ATP6V1E1: variants seen among roughly 807,000 people sequenced by gnomAD.
ATP6V1E1 encodes the protein ATPase H+ transporting V1 subunit E1, also known as V-type proton ATPase subunit E 1.
In ATP6V1E1, 21 loss-of-function variants were observed where a neutral mutation model predicts 35.2. The observed-to-expected ratio is 0.60, with a 90% CI of 0.42 to 0.86. The LOEUF (loss-of-function observed/expected upper bound fraction) is 0.86, where lower values mean the gene tolerates loss of function less well. ATP6V1E1 is among the 40% of genes least tolerant of loss of function. The pLI is 0.00. For missense variants in ATP6V1E1, 183 were observed against 272.6 expected (o/e 0.67, Z 2.32); for synonymous variants, 83 against 87.8 (o/e 0.95, Z 0.30).
intron 7 of ATP6V1E1, 80 bp downstream of exon 7, chr22:17,598,114 T>TTTTC: frequency 3.6e-6 from 4 of 1,099,316 alleles, no homozygotes; most frequent in Non-Finnish European, 5.5e-6. Context: ...ATGGTGAAAA[T>TTTTC]ACCATTTAAA....
intron 2 of ATP6V1E1, chr22:17,619,017 G>A (rs2057861253): frequency 2.2e-6 from 1 of 453,908 alleles, no homozygotes; most frequent in South Asian, 1.6e-5. Flanking sequence ...GAAGGGGCCA[G>A]GCACTGTGGC....
At chr22:17,607,701 C>T (rs971674332) in intron 4 of ATP6V1E1, among the ~76,000 whole-genome samples, 2 of 152,180 alleles carry the variant, frequency 1.3e-5, no homozygotes, top group Non-Finnish European at 2.9e-5. Flanking sequence ...AACCATTAAA[C>T]ACTATTTCTC....
At chr22:17,595,556 G>A (rs910909418) in intron 7 of ATP6V1E1, among the ~76,000 whole-genome samples, 5 of 152,160 alleles carry the variant, frequency 3.3e-5, no homozygotes, top group African/African-American at 7.2e-5. Context: ...CTGGCCGGGC[G>A]TGGTAGCTCA....
intron 4 of ATP6V1E1, among the ~76,000 whole-genome samples, chr22:17,603,546 G>C (rs5747258): frequency 0.35 from 52,780 of 151,726 alleles, 9,502 homozygotes; most frequent in African/African-American, 0.41. Flanking sequence ...ATGTGCAGTG[G>C]CTCACACCTC....
chr22:17,602,661 C>T (rs1252708924), intron 4 of ATP6V1E1, among the ~76,000 whole-genome samples: 1 of 152,222 alleles, frequency 6.6e-6, no homozygotes, highest in Non-Finnish European at 1.5e-5. Context: ...AGGCGTGAGC[C>T]ACCACGCCTG....
intron 1 of ATP6V1E1, among the ~76,000 whole-genome samples, chr22:17,624,968 C>G (rs924300317): frequency 2.0e-5 from 3 of 152,058 alleles, no homozygotes; most frequent in Non-Finnish European, 4.4e-5. Context: ...ACTGTGGCCA[C>G]TAAGAGTATA....
At chr22:17,595,779 C>T (rs1343504373) in intron 7 of ATP6V1E1, among the ~76,000 whole-genome samples, 1 of 152,016 alleles carries the variant, frequency 6.6e-6, no homozygotes, top group Non-Finnish European at 1.5e-5. Context: ...CGAGATCACA[C>T]CACTGCACTC....
intron 4 of ATP6V1E1, among the ~76,000 whole-genome samples, chr22:17,610,237 C>A (rs992212429): frequency 5.4e-5 from 8 of 149,178 alleles, no homozygotes; most frequent in African/African-American, 1.8e-4. Context: ...TTTTAAAAAG[C>A]AAATTAGAAA....
intron 4 of ATP6V1E1, 83 bp from the exon 5 acceptor site, chr22:17,601,264 T>C: frequency 1.9e-6 from 2 of 1,069,642 alleles, no homozygotes; most frequent in Non-Finnish European, 2.8e-6. Flanking sequence ...TCCTGGCTCA[T>C]GCCCAGCTGC....
At chr22:17,604,973 T>C (rs1469312328) in intron 4 of ATP6V1E1, among the ~76,000 whole-genome samples, 1 of 151,860 alleles carries the variant, frequency 6.6e-6, no homozygotes, top group Admixed American at 6.6e-5. Flanking sequence ...CTCAGCACTT[T>C]GGGAGGCTGA....
At chr22:17,599,508 CA>C (rs2057750691) in intron 6 of ATP6V1E1, among the ~76,000 whole-genome samples, 1 of 132,302 alleles carries the variant, frequency 7.6e-6, no homozygotes, top group South Asian at 2.4e-4. Context: ...CCCGGGGGGG[CA>C]GAGGTTGCAG....
chr22:17,615,169 C>T (rs911539538), intron 2 of ATP6V1E1, among the ~76,000 whole-genome samples: 43 of 151,268 alleles, frequency 2.8e-4, no homozygotes, highest in Admixed American at 2.4e-3. Context: ...GGCGTGGTGG[C>T]GGGCGCCTGT....
chr22:17,626,741 G>C (rs1368963516), intron 1 of ATP6V1E1, among the ~76,000 whole-genome samples: 3 of 152,164 alleles, frequency 2.0e-5, no homozygotes, highest in African/African-American at 7.2e-5. Flanking sequence ...CGTTGGCCAG[G>C]CTGGTCTGGA....
At chr22:17,624,364 G>T (rs1419492761) in intron 1 of ATP6V1E1, among the ~76,000 whole-genome samples, 1 of 152,100 alleles carries the variant, frequency 6.6e-6, no homozygotes. Flanking sequence ...GACCAGCCTG[G>T]CCAACATGGT....
intron 1 of ATP6V1E1, among the ~76,000 whole-genome samples, chr22:17,627,198 C>T (rs1440564965): frequency 1.3e-5 from 2 of 151,288 alleles, no homozygotes; most frequent in African/African-American, 2.4e-5. Context: ...CTCGCTCTGC[C>T]GCCCAGGGTC....
At chr22:17,608,421 G>C (rs1387421764) in intron 4 of ATP6V1E1, among the ~76,000 whole-genome samples, 2 of 152,034 alleles carry the variant, frequency 1.3e-5, no homozygotes, top group East Asian at 3.8e-4. Flanking sequence ...ATTTCTTTTT[G>C]TTTCTATTAT....
At chr22:17,596,270 C>G (rs1191915636) in intron 7 of ATP6V1E1, among the ~76,000 whole-genome samples, 1 of 152,108 alleles carries the variant, frequency 6.6e-6, no homozygotes, top group Non-Finnish European at 1.5e-5. Context: ...ATTTGATTCT[C>G]AATGTGGCAG....
intron 4 of ATP6V1E1, among the ~76,000 whole-genome samples, chr22:17,610,604 T>C (rs892455784): frequency 6.6e-6 from 1 of 152,268 alleles, no homozygotes; most frequent in Non-Finnish European, 1.5e-5. Context: ...GTTATAGCCC[T>C]TGCTACTTAT....
chr22:17,598,235 A>G lies in ATP6V1E1; in HGVS notation c.489T>C (p.Val163=). 1 of 1,614,116 alleles carries G rather than the reference A, an allele frequency of 6.2e-7. No individual in the cohort carries two copies. The highest frequency in any genetic ancestry group is 8.5e-7 in the Non-Finnish European group (1 of 1,179,986). Residue 163 remains valine (V), a synonymous_variant, in exon 7 of 9, where the codon GTT becomes GTC. Coordinates refer to ENST00000253413, the MANE Select transcript of ATP6V1E1 (RefSeq NM_001696.4). ...AGGACTCCTGGTCAATTTGGACATC[A>G]ACATCGTTTTTGGTGGCAATTTTGT... is the stretch of plus-strand genomic sequence containing the variant. ...PMYKIATKND[V]DVQIDQESYL... is the part of the protein sequence containing the mutation.
Sources: gnomAD v4.1 joint callset for allele counts (sites outside exome capture counted in the v4.1 genomes callset) on GRCh38, gnomAD v4.1.1 for gene constraint, MANE v1.5 for transcripts, NCBI Gene and HGNC (gene_info 2026-07-23, HGNC 2026-07-21) for gene names.